Variants in ARID1B observed in about 807,000 individuals in gnomAD.
ARID1B encodes AT-rich interaction domain 1B.
ARID1B carries 30 observed loss-of-function variants against 212.3 expected under a neutral mutation model. The ratio of observed to expected loss-of-function variants is 0.14; its 90% CI spans 0.11 to 0.19. The LOEUF (loss-of-function observed/expected upper bound fraction) is 0.19, where lower values mean the gene tolerates loss of function less well. Among genes scored for constraint, ARID1B ranks in the 10% least tolerant of loss-of-function variants. ARID1B has a pLI of 1.00. For missense variants in ARID1B, 2,891 were observed against 3,204.0 expected (o/e 0.90, Z 2.36); for synonymous variants, 1,402 against 1,301.7 (o/e 1.08, Z -1.66).
At chr6:157,036,039 T>A (rs766633312) in intron 4 of ARID1B, among the ~76,000 whole-genome samples, 8 of 152,204 alleles carry the variant, frequency 5.3e-5, no homozygotes, top group Non-Finnish European at 8.8e-5. Flanking sequence ...CAGTCTGATA[T>A]TGCCCACCCA....
chr6:156,936,250 G>A (rs1398018626), intron 4 of ARID1B: 1 of 150,708 alleles, frequency 6.6e-6, no homozygotes, highest in Non-Finnish European at 1.5e-5. Flanking sequence ...GCTGAGGCAG[G>A]AGAATCGCTT....
At position 157,174,102 on chromosome 6, in the gene ARID1B, C is replaced by T. The variant is rs752231248; in HGVS notation, c.3330C>T (p.Pro1110=). 166 of 1,613,994 alleles carry T rather than the reference C, an allele frequency of 1.0e-4. No homozygotes were observed. The South Asian group carries it at 1.5e-3, about 15-fold the overall frequency. ...ADGKEEGTPQ[P]ESKSKDSYSS... ...GCAAAGAAGAAGGCACTCCACAGCC[C>T]GAGAGCAAGTCAAAGGTACTTCCTT... Residue 1110 remains proline (P), a synonymous_variant, in exon 10 of 20, where the codon CCC becomes CCT. Coordinates refer to ENST00000636930, the MANE Select transcript of ARID1B (RefSeq NM_001374828.1).
intron 1 of ARID1B, among the ~76,000 whole-genome samples, chr6:156,808,076 G>A (rs1781303435): frequency 1.3e-5 from 2 of 152,146 alleles, no homozygotes; most frequent in Non-Finnish European, 2.9e-5. Flanking sequence ...TTACTGTTGA[G>A]GCTTTAACCC....
intron 1 of ARID1B, among the ~76,000 whole-genome samples, chr6:156,793,117 A>T (rs1448894380): frequency 6.6e-6 from 1 of 152,142 alleles, no homozygotes; most frequent in East Asian, 1.9e-4. Flanking sequence ...CACAGCCCTA[A>T]TATCAGATTA....
At chr6:157,167,296 A>C in intron 9 of ARID1B, 111 bp downstream of exon 9, 1 of 1,347,328 alleles carries the variant, frequency 7.4e-7, no homozygotes, top group Non-Finnish European at 9.9e-7. Context: ...AGTTGGCGAA[A>C]GTGGGAATCA....
intron 4 of ARID1B, among the ~76,000 whole-genome samples, chr6:156,992,493 G>A (rs1409903923): frequency 6.6e-6 from 1 of 152,184 alleles, no homozygotes; most frequent in Non-Finnish European, 1.5e-5. Context: ...TAAGATATGT[G>A]TTTTCAGTGT....
chr6:157,186,008 C>G (rs1309530197), intron 13 of ARID1B: 2 of 153,384 alleles, frequency 1.3e-5, no homozygotes, highest in African/African-American at 2.4e-5. Flanking sequence ...TGCCTGTGAA[C>G]AGCTCTGAAA....
intron 6 of ARID1B, among the ~76,000 whole-genome samples, chr6:157,115,615 G>A (rs1326750575): frequency 6.6e-6 from 1 of 152,128 alleles, no homozygotes; most frequent in Admixed American, 6.5e-5. Context: ...TTTTATTAGA[G>A]ATGGGGTTTC....
chr6:156,954,984 G>T (rs572065321), intron 4 of ARID1B, among the ~76,000 whole-genome samples: 1 of 152,228 alleles, frequency 6.6e-6, no homozygotes, highest in South Asian at 2.1e-4. Context: ...GGACCGTCAC[G>T]CTGCCGTGTA....
At chr6:156,916,724 TC>T (rs138799742) in intron 3 of ARID1B, among the ~76,000 whole-genome samples, 4,799 of 152,218 alleles carry the variant, frequency 0.032, 258 homozygotes, top group African/African-American at 0.11. Flanking sequence ...TTCTCTCTCC[TC>T]CTAGTACCTT....
At chr6:157,046,113 TG>T (rs1473765050) in intron 4 of ARID1B, among the ~76,000 whole-genome samples, 2 of 152,218 alleles carry the variant, frequency 1.3e-5, no homozygotes, top group East Asian at 3.8e-4. Flanking sequence ...AGAAATGATT[TG>T]GGGGAAATAC....
chr6:156,840,092 C>T (rs1022073351), intron 2 of ARID1B, among the ~76,000 whole-genome samples: 1 of 152,186 alleles, frequency 6.6e-6, no homozygotes, highest in Non-Finnish European at 1.5e-5. Context: ...GTGTCGCCTC[C>T]TGTAGTTTTC....
At chr6:157,172,534 G>A (rs561407556) in intron 9 of ARID1B, among the ~76,000 whole-genome samples, 1 of 152,288 alleles carries the variant, frequency 6.6e-6, no homozygotes, top group Admixed American at 6.5e-5. Flanking sequence ...TGGAAAAGAC[G>A]GGATTTCAAA....
chr6:157,210,706 CAAAAA>C lies in ARID1B; in HGVS notation c.*2825_*2829del. On this transcript the variant is annotated 3_prime_UTR_variant, in exon 20 of 20. Transcript: ENST00000636930. ...GGATGCCCAGACTTTACATGTGTAC[CAAAAA>C]AAAAAAAAAGATAAAAAATAAAGGT... is the stretch of plus-strand genomic sequence containing the variant. The C allele has an allele frequency of 5.4e-6, 1 of 185,180 alleles. No homozygotes were observed. The highest frequency in any genetic ancestry group is 2.4e-4 in the South Asian group (1 of 4,234). 11.5% of individuals were successfully genotyped at this position (185,180 alleles called of 1,614,324 possible).
chr6:157,161,266 C>T (rs1298457637), intron 8 of ARID1B, among the ~76,000 whole-genome samples: 4 of 151,908 alleles, frequency 2.6e-5, no homozygotes, highest in Admixed American at 2.6e-4. Flanking sequence ...GCCACTTTAC[C>T]GCCACAGGAT....
intron 3 of ARID1B, among the ~76,000 whole-genome samples, chr6:156,934,142 A>T (rs1791967407): frequency 6.6e-6 from 1 of 152,250 alleles, no homozygotes; most frequent in Non-Finnish European, 1.5e-5. Flanking sequence ...GAAGGGAGAT[A>T]ATTTTATTTT....
chr6:156,814,348 A>G (rs1158340277), intron 1 of ARID1B, among the ~76,000 whole-genome samples: 1 of 152,088 alleles, frequency 6.6e-6, no homozygotes, highest in East Asian at 1.9e-4. Context: ...GAGCCGGGTA[A>G]GCCATGATTG....
At position 157,093,098 on chromosome 6, in the gene ARID1B, G is replaced by A. The variant is rs73017174; in HGVS notation, c.2491+8193G>A. ...GCCTTCTCCCTTCGCTGAGAATGAA[G>A]ATTCAGAATGGAGGGGTACAAAAGC... On this transcript the variant is annotated intron_variant, in intron 5 of 19. Coordinates refer to ENST00000636930, the MANE Select transcript of ARID1B (RefSeq NM_001374828.1). Among the ~76,000 whole-genome samples, 542 of 152,328 alleles carry A rather than the reference G, an allele frequency of 3.6e-3. 2 individuals are homozygous for A. Among genetic ancestry groups the A allele is most frequent in the Non-Finnish European group, 5.6e-3 (381 of 68,032 alleles).
chr6:156,801,196 CTTT>C (rs397887993), intron 1 of ARID1B, among the ~76,000 whole-genome samples: 9 of 105,930 alleles, frequency 8.5e-5, no homozygotes, highest in Admixed American at 9.6e-5. Context: ...CTTGAATAAT[CTTT>C]TTTTTTTTTT....
Sources: allele counts gnomAD v4.1 joint callset (sites outside exome capture counted in the v4.1 genomes callset), GRCh38; gene constraint gnomAD v4.1.1; transcripts MANE v1.5; gene names NCBI Gene and HGNC (gene_info 2026-07-23, HGNC 2026-07-21).